Variants in EYS observed in about 807,000 individuals in gnomAD.
EYS encodes protein eyes shut homolog.
In EYS, 250 loss-of-function variants were observed where a neutral mutation model predicts 282.1. That is an observed-to-expected ratio of 0.89 (90% CI 0.80 to 0.98). The LOEUF is 0.98. Ranked by LOEUF, EYS falls within the 50% of genes least tolerant of loss-of-function variation. EYS has a pLI of 0.00. For missense variants in EYS, 4,016 were observed against 3,709.0 expected, an observed-to-expected ratio of 1.08 and a Z score of -2.15; for synonymous variants, 1,355 against 1,282.9, an observed-to-expected ratio of 1.06 and a Z score of -1.20.
chr6:65,460,004 AT>A (rs1764768699), intron 5 of EYS, among the ~76,000 whole-genome samples: 3 of 101,966 alleles, frequency 2.9e-5, no homozygotes, highest in South Asian at 5.7e-4. Context: ...ATATATATAT[AT>A]ATAATTTTAT....
intron 14 of EYS, among the ~76,000 whole-genome samples, chr6:64,953,583 A>C (rs1769587503): frequency 6.6e-6 from 1 of 151,850 alleles, no homozygotes; most frequent in South Asian, 2.1e-4. Context: ...CTTTATTTAT[A>C]AAAACAAACA....
At chr6:65,590,808 A>G (rs1765204169) in intron 2 of EYS, among the ~76,000 whole-genome samples, 1 of 150,742 alleles carries the variant, frequency 6.6e-6, no homozygotes, top group Admixed American at 6.6e-5. Context: ...CAGAATTTTA[A>G]TGTTTTTTTT....
At chr6:64,482,953 A>G (rs924859640) in intron 26 of EYS, among the ~76,000 whole-genome samples, 7 of 151,732 alleles carry the variant, frequency 4.6e-5, no homozygotes, top group Non-Finnish European at 7.4e-5. Flanking sequence ...GACCTCCTTT[A>G]TTAAACAGTG....
chr6:64,569,305 T>C (rs1765649029), intron 26 of EYS, among the ~76,000 whole-genome samples: 1 of 151,774 alleles, frequency 6.6e-6, no homozygotes, highest in African/African-American at 2.4e-5. Flanking sequence ...ATAAATGACC[T>C]AATGGAGCTG....
intron 18 of EYS, among the ~76,000 whole-genome samples, chr6:64,897,313 G>C (rs1009283127): frequency 1.2e-4 from 18 of 152,042 alleles, no homozygotes; most frequent in Non-Finnish European, 2.1e-4. Context: ...AGGCAAACAG[G>C]GTCCGCAGTG....
Position 65,428,439 on chromosome 6 carries a change from T to C in EYS, c.863-23072A>G, listed in dbSNP as rs150642459. On this transcript the variant is annotated intron_variant, in intron 5 of 42. Coordinates refer to ENST00000503581, the MANE Select transcript of EYS (RefSeq NM_001142800.2). ...ATTATGTGCCAATCATTGCTATTCA[T>C]TTTTACGTATATTAACTCATTTAAA... 5.1e-3 allele frequency among the ~76,000 whole-genome samples: 782 copies of C among 152,272 alleles called. 9 individuals carry two copies. Among genetic ancestry groups the C allele is most frequent in the African/African-American group, 0.018 (758 of 41,576 alleles).
At chr6:65,325,527 A>G (rs576095368) in intron 11 of EYS, among the ~76,000 whole-genome samples, 1 of 152,260 alleles carries the variant, frequency 6.6e-6, no homozygotes, top group South Asian at 2.1e-4. Flanking sequence ...TTGGAGGTTC[A>G]GATTTGAACC....
At chr6:65,474,163 T>C (rs1190802869) in intron 5 of EYS, among the ~76,000 whole-genome samples, 1 of 152,072 alleles carries the variant, frequency 6.6e-6, no homozygotes, top group African/African-American at 2.4e-5. Flanking sequence ...TAAGGTGACA[T>C]GGAGCTCAAA....
At chr6:64,225,128 C>T (rs1766218212) in intron 31 of EYS, among the ~76,000 whole-genome samples, 1 of 152,064 alleles carries the variant, frequency 6.6e-6, no homozygotes. Context: ...CTCTTGTTCC[C>T]TGGCTTTCCA....
chr6:64,085,118 C>T (rs1772099254), intron 31 of EYS, among the ~76,000 whole-genome samples: 2 of 151,972 alleles, frequency 1.3e-5, no homozygotes, highest in African/African-American at 4.8e-5. Flanking sequence ...GCTGGGATTA[C>T]AGGTGCATGC....
intron 33 of EYS, among the ~76,000 whole-genome samples, chr6:64,038,886 C>T (rs1582182510): frequency 1.3e-5 from 2 of 151,898 alleles, no homozygotes; most frequent in Admixed American, 1.3e-4. Context: ...CTCACTGCAA[C>T]CTCCGCCTCC....
chr6:64,764,191 G>A (rs1773252335), intron 22 of EYS, among the ~76,000 whole-genome samples: 1 of 152,224 alleles, frequency 6.6e-6, no homozygotes, highest in Non-Finnish European at 1.5e-5. Flanking sequence ...TTTCCCTTCT[G>A]CACTGCCCTA....
At chr6:65,226,993 G>A (rs574252412) in intron 12 of EYS, among the ~76,000 whole-genome samples, 4 of 152,230 alleles carry the variant, frequency 2.6e-5, no homozygotes, top group Non-Finnish European at 1.5e-5. Context: ...CCAGCACTTT[G>A]GGAGGCCGAG....
At chr6:64,071,981 T>C (rs1771597166) in intron 32 of EYS, among the ~76,000 whole-genome samples, 1 of 151,632 alleles carries the variant, frequency 6.6e-6, no homozygotes, top group Admixed American at 6.6e-5. Flanking sequence ...AAGAAACATA[T>C]AGAGCCGGGG....
intron 35 of EYS, among the ~76,000 whole-genome samples, chr6:63,961,146 G>A (rs1022830864): frequency 6.6e-6 from 1 of 152,180 alleles, no homozygotes; most frequent in African/African-American, 2.4e-5. Context: ...CAAGATCAAG[G>A]TGCCAGCAGA....
chr6:64,694,398 T>C (rs932383242), intron 22 of EYS, among the ~76,000 whole-genome samples: 7 of 152,128 alleles, frequency 4.6e-5, no homozygotes, highest in Non-Finnish European at 2.9e-5. Context: ...AAGAATGCCT[T>C]TGCAATGCAC....
At chr6:64,030,677 G>A (rs931623718) in intron 33 of EYS, among the ~76,000 whole-genome samples, 3 of 152,132 alleles carry the variant, frequency 2.0e-5, no homozygotes, top group Non-Finnish European at 4.4e-5. Flanking sequence ...TCTAGGTCCC[G>A]TGTCAGCCAT....
At chr6:64,629,210 C>T (rs1767704226) in intron 22 of EYS, among the ~76,000 whole-genome samples, 2 of 151,864 alleles carry the variant, frequency 1.3e-5, no homozygotes, top group Non-Finnish European at 2.9e-5. Context: ...AATATTATTC[C>T]CATGGTTACA....
At chr6:64,495,987 A>C (rs920095287) in intron 26 of EYS, among the ~76,000 whole-genome samples, 8 of 151,876 alleles carry the variant, frequency 5.3e-5, no homozygotes, top group Non-Finnish European at 1.2e-4. Context: ...TCTTCTTAAC[A>C]TATTTTTCCT....
Sources: allele counts gnomAD v4.1 joint callset (sites outside exome capture counted in the v4.1 genomes callset), GRCh38; gene constraint gnomAD v4.1.1; transcripts MANE v1.5; gene names NCBI Gene and HGNC (gene_info 2026-07-23, HGNC 2026-07-21).